WFS1: variants seen among roughly 807,000 people sequenced by gnomAD.
WFS1 encodes the protein wolframin.
Under a neutral mutation model 68.5 loss-of-function variants are expected in WFS1, and 90 were observed. That is an observed-to-expected ratio of 1.31 (90% confidence interval 1.11 to 1.56). WFS1 has a LOEUF of 1.56. Among genes scored for constraint, WFS1 ranks in the 40% most tolerant of loss-of-function variants. WFS1 has a pLI of 0.00. For missense variants in WFS1, 1,767 were observed against 1,232.6 expected, an observed-to-expected ratio of 1.43 and a Z score of -6.49; for synonymous variants, 860 against 540.7, an observed-to-expected ratio of 1.59 and a Z score of -8.19.
chr4:6,275,157 T>C (rs970978454), intron 1 of WFS1, among the ~76,000 whole-genome samples: 2 of 152,196 alleles, frequency 1.3e-5, no homozygotes, highest in African/African-American at 4.8e-5. Flanking sequence ...CCGTTGGTCT[T>C]GATGGCAGAG....
At chr4:6,288,883 G>T in intron 3 of WFS1, 104 bp from the exon 4 acceptor site, 2 of 1,524,346 alleles carry the variant, frequency 1.3e-6, no homozygotes, top group South Asian at 2.4e-5. Context: ...TTCCTTCCTG[G>T]CCTGGGTGAC....
At chr4:6,270,509 C>T (rs1246222577) in intron 1 of WFS1, among the ~76,000 whole-genome samples, 2 of 152,098 alleles carry the variant, frequency 1.3e-5, no homozygotes, top group South Asian at 2.1e-4. Context: ...ACCCGGCCCG[C>T]CCGAGGGGCA....
At chr4:6,275,590 GGGGT>G (rs1729969234) in intron 1 of WFS1, among the ~76,000 whole-genome samples, 1 of 57,180 alleles carries the variant, frequency 1.7e-5, no homozygotes, top group Non-Finnish European at 3.6e-5. Flanking sequence ...GGGATGCACG[GGGGT>G]GGGGTGGGGG....
chr4:6,288,815 G>C (rs915391013), intron 3 of WFS1, 172 bp from the exon 4 acceptor site: 17 of 975,652 alleles, frequency 1.7e-5, no homozygotes, highest in Non-Finnish European at 1.6e-6. Flanking sequence ...GCGAGTGGCC[G>C]GAGGCTCAGT....
At position 6,303,170 on chromosome 4, in the gene WFS1, T is replaced by TGC. The variant is rs1416948773; in HGVS notation, c.*703_*704dup. The TGC allele has an allele frequency of 2.6e-5, 4 of 151,938 alleles. No individual in the cohort carries two copies. Among genetic ancestry groups the TGC allele is most frequent in the Admixed American group, 1.3e-4 (2 of 15,426 alleles). 9.4% of individuals were successfully genotyped at this position (151,938 alleles called of 1,614,324 possible). On this transcript the variant is annotated 3_prime_UTR_variant, in exon 8 of 8. Coordinates refer to ENST00000226760, the MANE Select transcript of WFS1 (RefSeq NM_006005.3). The stretch of plus-strand genomic sequence containing the variant: ...TGGGGGCGGCTGTGGGGGAGGTCCC[T>TGC]GCCAGTGTTTAGAAGAGCCTGACTG...
intron 1 of WFS1, among the ~76,000 whole-genome samples, chr4:6,276,538 TG>T (rs1457195705): frequency 1.1e-4 from 16 of 152,272 alleles, no homozygotes; most frequent in Admixed American, 5.2e-4. Context: ...GGCTTGGGCC[TG>T]GGGTGGGGGC....
chr4:6,295,161 G>A lies in WFS1; in HGVS notation c.833G>A (p.Ser278Asn). The A allele has an allele frequency of 6.2e-7, 1 of 1,612,152 alleles. No individual in the cohort carries two copies. The highest frequency in any genetic ancestry group is 8.5e-7 in the Non-Finnish European group (1 of 1,180,034). Residue 278 changes from serine (S) to asparagine (N), a missense_variant, in exon 7 of 8, where the codon AGC (serine) becomes AAC (asparagine). Ser to Asn is a conservative substitution (Grantham distance 46). Coordinates refer to ENST00000226760, the MANE Select transcript of WFS1 (RefSeq NM_006005.3). Reference sequence around the variant, plus strand: ...GATGATGACGAGCTGGCGGGGAAGAGCCCTGAGGACCTGCCACTGCGTCTG... The same window carrying A: ...GATGATGACGAGCTGGCGGGGAAGAACCCTGAGGACCTGCCACTGCGTCTG... ...DEDDDELAGK[S>N]PEDLPLRLKV...
chr4:6,278,859 C>T (rs183843052), intron 2 of WFS1, among the ~76,000 whole-genome samples: 10 of 152,256 alleles, frequency 6.6e-5, no homozygotes, highest in African/African-American at 2.2e-4. Context: ...CCCAGCCTCA[C>T]GGCTTCAGGG....
At chr4:6,291,403 G>C in intron 5 of WFS1, 36 bp downstream of exon 5, 1 of 1,606,956 alleles carries the variant, frequency 6.2e-7, no homozygotes, top group Non-Finnish European at 8.5e-7. Flanking sequence ...GCCTTCCCTG[G>C]GCGCCAGCCT....
chr4:6,271,443 G>T (rs1306660392), intron 1 of WFS1, among the ~76,000 whole-genome samples: 1 of 152,200 alleles, frequency 6.6e-6, no homozygotes, highest in Non-Finnish European at 1.5e-5. Context: ...GGGGACCTCA[G>T]CTCAGTCTCA....
At position 6,300,753 on chromosome 4, in the gene WFS1, C is replaced by T. The variant is rs1553878280; in HGVS notation, c.958C>T (p.Pro320Ser). 6.2e-7 allele frequency: 1 copy of T among 1,614,096 alleles called. No individual in the cohort carries two copies. Among genetic ancestry groups the T allele is most frequent in the South Asian group, 1.1e-5 (1 of 91,076 alleles). Residue 320 changes from proline (P) to serine (S), a missense_variant, in exon 8 of 8, where the codon CCC becomes TCC. Pro to Ser is a moderately conservative substitution (Grantham distance 74). Coordinates refer to ENST00000226760, the MANE Select transcript of WFS1 (RefSeq NM_006005.3). ...AGMHWLSTII[P>S]THHINALIFF... ...CATGCACTGGCTGTCCACCATCATC[C>T]CCACGCACCACATCAACGCGCTCAT...
In WFS1 at chr4:6,301,424, C is replaced by G; in HGVS notation, c.1629C>G (p.Leu543=). The G allele has an allele frequency of 1.2e-6, 2 of 1,612,500 alleles. No homozygotes were observed. The highest frequency in any genetic ancestry group is 2.2e-5 in the South Asian group (2 of 91,092). ...PYLVCFMWCE[L]SVVILLESTG... ...TGGTGTGCTTCATGTGGTGTGAGCT[C>G]TCCGTGGTCATCCTGCTGGAGTCCA... The change falls in exon 8 of 8, where the codon CTC becomes CTG. Residue 543 remains leucine, a synonymous_variant. Transcript: ENST00000226760.
At position 6,302,364 on chromosome 4, in the gene WFS1, A is replaced by C. The variant is rs1376936075; in HGVS notation, c.2569A>C (p.Thr857Pro). The change falls in exon 8 of 8, where the codon ACC becomes CCC. Residue 857 changes from threonine (T) to proline (P), a missense_variant. Coordinates refer to ENST00000226760, the MANE Select transcript of WFS1 (RefSeq NM_006005.3). ...CAACTGCATGGCCCAGCTCTCACCC[A>C]CCAGGCGGCACGTGAAGATCGAGCA... is the stretch of plus-strand genomic sequence containing the variant. ...CLNCMAQLSP[T>P]RRHVKIEHDW... 6.2e-7 allele frequency: 1 copy of C among 1,613,038 alleles called. No homozygotes were observed. The highest frequency in any genetic ancestry group is 1.3e-5 in the African/African-American group (1 of 75,064).
At chr4:6,293,723 C>T (rs1372005466) in intron 6 of WFS1, among the ~76,000 whole-genome samples, 2 of 152,182 alleles carry the variant, frequency 1.3e-5, no homozygotes, top group African/African-American at 4.8e-5. Flanking sequence ...CCAAGGTATT[C>T]ATCCCTATGA....
rs760240690 is a variant in WFS1 at position 6,283,873 on chromosome 4, G to C, written c.233-3220G>C. Among the ~76,000 whole-genome samples the C allele has an allele frequency of 6.6e-6, 1 of 152,120 alleles. No individual in the cohort carries two copies. The highest frequency in any genetic ancestry group is 2.4e-5 in the African/African-American group (1 of 41,422). On this transcript the variant is annotated intron_variant, in intron 2 of 7. Coordinates refer to ENST00000226760, the MANE Select transcript of WFS1 (RefSeq NM_006005.3). This position sits in a 1 kb window ranked among gnomAD's most constrained non-coding sequence, Gnocchi z 5.0. ...CGGAGGTCGAGCACACAGAAAACAC[G>C]TGTGTTTGATGGTTCTTGGTGGTCC...
chr4:6,289,904 A>C (rs1468934897), intron 4 of WFS1, among the ~76,000 whole-genome samples: 1 of 152,198 alleles, frequency 6.6e-6, no homozygotes, highest in African/African-American at 2.4e-5. Context: ...GAAGCCCAGA[A>C]GCAACTCCCC....
At chr4:6,294,950 C>CCA (rs1485006367) in intron 6 of WFS1, 91 bp from the exon 7 acceptor site, 176 of 1,602,570 alleles carry the variant, frequency 1.1e-4, no homozygotes, top group Non-Finnish European at 6.8e-6. Flanking sequence ...TAGCTTGGCC[C>CCA]CACGCCACCG....
rs71537671 is a variant in WFS1 at position 6,302,833 on chromosome 4, CTTTT to C, written c.*366_*369del. 4.9e-4 allele frequency: 172 copies of C among 354,118 alleles called. No individual in the cohort carries two copies. The highest frequency in any genetic ancestry group is 1.1e-3 in the Admixed American group (25 of 22,710). 21.9% of individuals were successfully genotyped at this position (354,118 alleles called of 1,614,324 possible). A position where few individuals can be genotyped will look rare whatever the true frequency, so the allele number is the denominator to read the frequency against. On this transcript the variant is annotated 3_prime_UTR_variant, in exon 8 of 8. Transcript: ENST00000226760. ...CAAGCACCCTGTTCCCTCTTTCTTT[CTTTT>C]GTGTTGGATTTGTTTAAAAACCAAA...
At chr4:6,289,883 C>T (rs1447548159) in intron 4 of WFS1, among the ~76,000 whole-genome samples, 1 of 152,108 alleles carries the variant, frequency 6.6e-6, no homozygotes, top group Non-Finnish European at 1.5e-5. Flanking sequence ...ATACAAATTA[C>T]TCATAACCTT....
Sources: allele counts gnomAD v4.1 joint callset (sites outside exome capture counted in the v4.1 genomes callset), GRCh38; gene constraint gnomAD v4.1.1; non-coding constraint Gnocchi (gnomAD v3.1); transcripts MANE v1.5; gene names NCBI Gene and HGNC (gene_info 2026-07-23, HGNC 2026-07-21).